The following DLG2 variants were observed in gnomAD, a reference collection of about 807,000 sequenced individuals.
DLG2 encodes the protein discs large MAGUK scaffold protein 2.
In DLG2, 45 loss-of-function variants were observed where a neutral mutation model predicts 132.5. The observed-to-expected ratio is 0.34, with a 90% CI of 0.27 to 0.44. The LOEUF (loss-of-function observed/expected upper bound fraction) is 0.44, where lower values mean the gene tolerates loss of function less well. Among genes scored for constraint, DLG2 ranks in the 20% least tolerant of loss-of-function variants. The probability of loss-of-function intolerance (pLI) is 1.00; values close to 1 mark genes in which losing one functional copy is unlikely to be tolerated. For synonymous variants in DLG2, 424 were observed against 419.6 expected (o/e 1.01, Z -0.13); for missense variants, 1,045 against 1,196.9 (o/e 0.87, Z 1.87).
At position 84,555,563 on chromosome 11, in the gene DLG2, A is replaced by C; in HGVS notation, c.358-20832T>G. Reference sequence around the variant, plus strand: ...ATGCTAAGTGAAATAGGTTGGTAATAAAAAGACAAATGGTGTATGATTCCA... The same window carrying C: ...ATGCTAAGTGAAATAGGTTGGTAATCAAAAGACAAATGGTGTATGATTCCA... On this transcript the variant is annotated intron_variant, in intron 6 of 27. Transcript: ENST00000376104. Among the ~76,000 whole-genome samples the C allele has an allele frequency of 1.3e-5, 2 of 152,214 alleles. 1 individual carries two copies. Among genetic ancestry groups the C allele is most frequent in the Non-Finnish European group, 2.9e-5 (2 of 68,028 alleles).
intron 6 of DLG2, among the ~76,000 whole-genome samples, chr11:84,813,592 C>G (rs139216988): frequency 2.7e-4 from 41 of 152,080 alleles, no homozygotes; most frequent in Non-Finnish European, 5.6e-4. Flanking sequence ...AAAGATATGT[C>G]CAGATTGATG....
chr11:84,188,606 G>C (rs1029452867), intron 8 of DLG2, among the ~76,000 whole-genome samples: 3 of 152,118 alleles, frequency 2.0e-5, no homozygotes, highest in African/African-American at 7.2e-5. Context: ...TTCCCACTGA[G>C]CTAATATTGG....
chr11:84,832,558 A>G (rs1026928203), intron 6 of DLG2, among the ~76,000 whole-genome samples: 6 of 151,516 alleles, frequency 4.0e-5, no homozygotes, highest in Non-Finnish European at 8.9e-5. Flanking sequence ...GCAGGACAAC[A>G]ACCATTAAGT....
intron 6 of DLG2, among the ~76,000 whole-genome samples, chr11:84,875,501 A>G (rs1402021857): frequency 1.5e-5 from 2 of 133,112 alleles, no homozygotes; most frequent in South Asian, 2.3e-4. Flanking sequence ...TTCCTGGTGG[A>G]AAAAAAAAAA....
At chr11:84,238,816 G>T (rs572221365) in intron 8 of DLG2, among the ~76,000 whole-genome samples, 1 of 151,942 alleles carries the variant, frequency 6.6e-6, no homozygotes, top group Non-Finnish European at 1.5e-5. Flanking sequence ...ACTAGCCACT[G>T]TCTTCCCTGT....
intron 12 of DLG2, 26 bp downstream of exon 12, chr11:83,980,480 C>A: frequency 6.2e-7 from 1 of 1,600,250 alleles, no homozygotes. Context: ...TAAATATACA[C>A]ACAGTTTTGC....
chr11:84,948,495 C>T (rs1773902978), intron 6 of DLG2, among the ~76,000 whole-genome samples: 1 of 152,190 alleles, frequency 6.6e-6, no homozygotes, highest in South Asian at 2.1e-4. Context: ...CTTCAATTTG[C>T]TAATCTCAAG....
chr11:85,115,836 A>C (rs2073490201), intron 5 of DLG2, among the ~76,000 whole-genome samples: 2 of 151,970 alleles, frequency 1.3e-5, no homozygotes, highest in Non-Finnish European at 2.9e-5. Flanking sequence ...CTGAGGAGAA[A>C]GAATGATTTT....
At chr11:85,616,685 T>C (rs1278605021) in intron 2 of DLG2, among the ~76,000 whole-genome samples, 1 of 152,144 alleles carries the variant, frequency 6.6e-6, no homozygotes, top group Admixed American at 6.5e-5. Context: ...TCCTAGCCCC[T>C]TCACAGCGTA....
intron 3 of DLG2, among the ~76,000 whole-genome samples, chr11:85,428,817 C>CA (rs1237927628): frequency 1.1e-4 from 16 of 151,956 alleles, no homozygotes; most frequent in Non-Finnish European, 1.8e-4. Context: ...AAAAACCCTT[C>CA]AAAAAATCAA....
At chr11:84,313,516 CAGAG>C (rs1265019988) in intron 7 of DLG2, among the ~76,000 whole-genome samples, 1 of 106,338 alleles carries the variant, frequency 9.4e-6, no homozygotes, top group Admixed American at 1.4e-4. Flanking sequence ...GAGAGAGAGA[CAGAG>C]AGAGAGAGGA....
intron 3 of DLG2, among the ~76,000 whole-genome samples, chr11:85,434,192 T>C (rs1229963969): frequency 1.3e-5 from 2 of 152,160 alleles, no homozygotes; most frequent in African/African-American, 4.8e-5. Flanking sequence ...GGGAAATTTA[T>C]AGCCCTAAAT....
chr11:83,650,048 T>C (rs763367993), intron 18 of DLG2, among the ~76,000 whole-genome samples: 2 of 152,180 alleles, frequency 1.3e-5, no homozygotes, highest in Non-Finnish European at 2.9e-5. Context: ...CCTGGACAAG[T>C]GTAAATTAGC....
intron 18 of DLG2, among the ~76,000 whole-genome samples, chr11:83,764,882 A>G (rs2094074277): frequency 6.6e-6 from 1 of 152,186 alleles, no homozygotes; most frequent in Admixed American, 6.5e-5. Context: ...AGACTTGAGG[A>G]GAGACAAACT....
At chr11:85,252,779 G>A (rs2076463747) in intron 4 of DLG2, among the ~76,000 whole-genome samples, 1 of 151,862 alleles carries the variant, frequency 6.6e-6, no homozygotes, top group African/African-American at 2.4e-5. Flanking sequence ...AAGGCTGTGG[G>A]GAAAGGAAAA....
chr11:84,405,889 AG>A (rs1426631512), intron 7 of DLG2, among the ~76,000 whole-genome samples: 1 of 152,040 alleles, frequency 6.6e-6, no homozygotes, highest in Non-Finnish European at 1.5e-5. Context: ...TACATATTTG[AG>A]GATCCCTTAC....
chr11:84,066,570 G>A (rs2096675817), intron 10 of DLG2, among the ~76,000 whole-genome samples: 1 of 151,934 alleles, frequency 6.6e-6, no homozygotes, highest in African/African-American at 2.4e-5. Flanking sequence ...GACCAGCCTG[G>A]CCAACATGAT....
intron 6 of DLG2, among the ~76,000 whole-genome samples, chr11:84,802,374 G>A (rs1391462142): frequency 6.7e-6 from 1 of 148,752 alleles, no homozygotes; most frequent in Non-Finnish European, 1.5e-5. Flanking sequence ...CCCAGCAGCA[G>A]CAGCAGCAGC....
Position 84,886,416 on chromosome 11 carries a change from G to A in DLG2, c.357+225245C>T, listed in dbSNP as rs145443273. On this transcript the variant is annotated intron_variant, in intron 6 of 27. Coordinates refer to ENST00000376104, the MANE Select transcript of DLG2 (RefSeq NM_001142699.3). ...GCTAATGAATGAGAAGAAAAAATAA[G>A]GAAGATGTTTAGAGTTATTTTCCTT... 8.6e-4 allele frequency among the ~76,000 whole-genome samples: 131 copies of A among 152,110 alleles called. 1 individual carries two copies. Among genetic ancestry groups the A allele is most frequent in the African/African-American group, 2.9e-3 (120 of 41,524 alleles).
Sources: allele counts gnomAD v4.1 joint callset (sites outside exome capture counted in the v4.1 genomes callset), GRCh38; gene constraint gnomAD v4.1.1; transcripts MANE v1.5; gene names NCBI Gene and HGNC (gene_info 2026-07-23, HGNC 2026-07-21).